DLG2: variants seen among roughly 807,000 people sequenced by gnomAD.
The protein encoded by DLG2 is discs large MAGUK scaffold protein 2.
In DLG2, 45 loss-of-function variants were observed where a neutral mutation model predicts 132.5. That is an observed-to-expected ratio of 0.34 (90% CI 0.27 to 0.44). The LOEUF (loss-of-function observed/expected upper bound fraction) is 0.44, where lower values mean the gene tolerates loss of function less well. Ranked by LOEUF, DLG2 falls within the 20% of genes least tolerant of loss-of-function variation. The probability of loss-of-function intolerance (pLI) is 1.00; values close to 1 mark genes in which losing one functional copy is unlikely to be tolerated. For synonymous variants in DLG2, 424 were observed against 419.6 expected (o/e 1.01, Z -0.13); for missense variants, 1,045 against 1,196.9 (o/e 0.87, Z 1.87).
chr11:84,689,365 T>C (rs920710671), intron 6 of DLG2, among the ~76,000 whole-genome samples: 2 of 151,402 alleles, frequency 1.3e-5, no homozygotes, highest in Admixed American at 6.6e-5. Flanking sequence ...AATGTTTCTA[T>C]TGAGAAACAA....
intron 4 of DLG2, among the ~76,000 whole-genome samples, chr11:85,207,942 C>G (rs1390798443): frequency 2.6e-5 from 4 of 151,842 alleles, no homozygotes; most frequent in African/African-American, 9.7e-5. Context: ...CAAAAGTAAC[C>G]TCCTCCAAGA....
chr11:84,669,417 C>T (rs1237108024), intron 6 of DLG2, among the ~76,000 whole-genome samples: 2 of 152,156 alleles, frequency 1.3e-5, no homozygotes, highest in Non-Finnish European at 2.9e-5. Context: ...AAATACCAGA[C>T]TGTCTATATT....
At chr11:85,043,013 A>G (rs2062009092) in intron 6 of DLG2, among the ~76,000 whole-genome samples, 1 of 151,872 alleles carries the variant, frequency 6.6e-6, no homozygotes, top group East Asian at 1.9e-4. Context: ...ATATAATTTT[A>G]TATTTTATTT....
chr11:85,481,350 T>C (rs180852453), intron 3 of DLG2, among the ~76,000 whole-genome samples: 119 of 152,204 alleles, frequency 7.8e-4, no homozygotes, highest in Non-Finnish European at 1.4e-3. Flanking sequence ...ATTTGAACAA[T>C]TGTCCATGCA....
intron 7 of DLG2, among the ~76,000 whole-genome samples, chr11:84,516,353 CAG>C (rs1255687698): frequency 2.6e-5 from 4 of 151,002 alleles, no homozygotes; most frequent in African/African-American, 9.7e-5. Context: ...AATAAAAACA[CAG>C]AAGACTCAGA....
chr11:84,556,480 T>C (rs1281498830), intron 6 of DLG2, among the ~76,000 whole-genome samples: 2 of 152,194 alleles, frequency 1.3e-5, no homozygotes, highest in African/African-American at 4.8e-5. Flanking sequence ...GGGAGAAGAA[T>C]TGTCTTGGGC....
rs1336118419 is a variant in DLG2, at chr11:85,400,606, A to C, written c.41-115241T>G. On this transcript the variant is annotated intron_variant, in intron 3 of 27. Transcript: ENST00000376104. The stretch of plus-strand genomic sequence containing the variant: ...ACCATGGAATACTATGCAGCCATAA[A>C]AAATGATGAGTTCATTTCCTTTGTA... 2.7e-3 allele frequency among the ~76,000 whole-genome samples: 397 copies of C among 145,258 alleles called. 1 individual carries two copies. The highest frequency in any genetic ancestry group is 9.8e-3 in the African/African-American group (385 of 39,276).
At chr11:85,554,705 G>A (rs369877130) in intron 3 of DLG2, among the ~76,000 whole-genome samples, 6 of 151,602 alleles carry the variant, frequency 4.0e-5, no homozygotes, top group Non-Finnish European at 8.8e-5. Context: ...AGATGTAGAC[G>A]CAGTTTGCCC....
At chr11:85,161,883 C>T (rs183590662) in intron 4 of DLG2, among the ~76,000 whole-genome samples, 8 of 152,310 alleles carry the variant, frequency 5.3e-5, no homozygotes, top group Admixed American at 2.6e-4. Flanking sequence ...CTATTTCTCC[C>T]ATAGCCAGGA....
intron 7 of DLG2, among the ~76,000 whole-genome samples, chr11:84,386,720 G>A (rs1021837610): frequency 6.6e-6 from 1 of 151,998 alleles, no homozygotes; most frequent in African/African-American, 2.4e-5. Context: ...CACGAACCTT[G>A]GATCACTCAT....
intron 6 of DLG2, among the ~76,000 whole-genome samples, chr11:84,978,893 GA>G: frequency 6.6e-6 from 1 of 151,730 alleles, no homozygotes. Flanking sequence ...CAGAATGGGG[GA>G]AAATTTTTGC....
chr11:85,402,316 C>T (rs1260292980), intron 3 of DLG2, among the ~76,000 whole-genome samples: 2 of 152,128 alleles, frequency 1.3e-5, no homozygotes, highest in African/African-American at 4.8e-5. Flanking sequence ...TGGATCCTTT[C>T]CTTACACCTA....
chr11:85,489,665 C>T (rs748465852), intron 3 of DLG2, among the ~76,000 whole-genome samples: 1 of 152,128 alleles, frequency 6.6e-6, no homozygotes, highest in East Asian at 1.9e-4. Context: ...AACTAAGTCT[C>T]AACAAATGTT....
intron 10 of DLG2, among the ~76,000 whole-genome samples, chr11:84,098,249 G>A (rs1403713776): frequency 6.6e-6 from 1 of 152,016 alleles, no homozygotes; most frequent in East Asian, 1.9e-4. Context: ...ATGCTGGCCA[G>A]GCTGGTCTCA....
intron 6 of DLG2, among the ~76,000 whole-genome samples, chr11:84,607,464 G>C (rs926945469): frequency 6.6e-6 from 1 of 151,954 alleles, no homozygotes; most frequent in Admixed American, 6.6e-5. Flanking sequence ...TAAGATTTTT[G>C]GGGGGGCAGG....
At chr11:85,506,369 C>G (rs2093933469) in intron 3 of DLG2, among the ~76,000 whole-genome samples, 1 of 152,118 alleles carries the variant, frequency 6.6e-6, no homozygotes, top group Admixed American at 6.6e-5. Context: ...ATAAATTTCC[C>G]TCTACACACT....
At chr11:83,573,558 A>C (rs538555468) in intron 19 of DLG2, among the ~76,000 whole-genome samples, 195 of 152,300 alleles carry the variant, frequency 1.3e-3, no homozygotes, top group Non-Finnish European at 7.8e-4. Flanking sequence ...AAAAACACAA[A>C]AATCATTACC....
intron 7 of DLG2, among the ~76,000 whole-genome samples, chr11:84,300,598 C>T (rs1239348500): frequency 6.6e-6 from 1 of 152,120 alleles, no homozygotes; most frequent in African/African-American, 2.4e-5. Context: ...TTCCTTCCTT[C>T]CAGTCAAAAA....
At chr11:83,499,815 C>T (rs954450069) in intron 21 of DLG2, among the ~76,000 whole-genome samples, 1 of 129,476 alleles carries the variant, frequency 7.7e-6, no homozygotes, top group African/African-American at 2.8e-5. Flanking sequence ...TATATATTTC[C>T]TCTAATAGGA....
Sources: allele counts gnomAD v4.1 joint callset (sites outside exome capture counted in the v4.1 genomes callset), GRCh38; gene constraint gnomAD v4.1.1; transcripts MANE v1.5; gene names NCBI Gene and HGNC (gene_info 2026-07-23, HGNC 2026-07-21).